The following SPIDR variants were observed in gnomAD, a reference collection of about 807,000 sequenced individuals.
SPIDR encodes the protein DNA repair-scaffolding protein.
SPIDR carries 93 observed loss-of-function variants against 104.6 expected under a neutral mutation model. That is an observed-to-expected ratio of 0.89 (90% confidence interval 0.75 to 1.06). The LOEUF (loss-of-function observed/expected upper bound fraction) is 1.06, where lower values mean the gene tolerates loss of function less well. Ranked by LOEUF, SPIDR falls within the 50% of genes least tolerant of loss-of-function variation. The pLI, the probability that SPIDR is intolerant of heterozygous loss-of-function variation, is 0.00. For synonymous variants in SPIDR, 431 were observed against 416.9 expected (o/e 1.03, Z -0.41); for missense variants, 1,154 against 1,111.2 (o/e 1.04, Z -0.55).
chr8:47,466,619 G>A (rs959044691), intron 8 of SPIDR, among the ~76,000 whole-genome samples: 11 of 152,022 alleles, frequency 7.2e-5, no homozygotes, highest in Admixed American at 6.5e-5. Context: ...CCAGCACTTT[G>A]GGAGGCCAAG....
intron 5 of SPIDR, among the ~76,000 whole-genome samples, chr8:47,312,083 T>C (rs1586765107): frequency 6.6e-6 from 1 of 152,220 alleles, no homozygotes; most frequent in South Asian, 2.1e-4. Flanking sequence ...TATTCCATGG[T>C]GGATATGTGC....
Position 47,482,659 on chromosome 8 carries a change from G to T in SPIDR, c.1097+42117G>T, listed in dbSNP as rs139920651. 5.3e-5 allele frequency among the ~76,000 whole-genome samples: 8 copies of T among 152,254 alleles called. No individual in the cohort carries two copies. In the East Asian group the frequency reaches 1.4e-3, roughly 26 times the overall value. On this transcript the variant is annotated intron_variant, in intron 8 of 19. Coordinates refer to ENST00000297423, the MANE Select transcript of SPIDR (RefSeq NM_001080394.4). ...AAGTGTTTGGAGAGAGGTTTCTATA[G>T]GGCTCCAGTCTATGCACTGAGCCCA...
intron 8 of SPIDR, among the ~76,000 whole-genome samples, chr8:47,520,851 G>A (rs1307481845): frequency 1.3e-5 from 2 of 152,156 alleles, no homozygotes; most frequent in Non-Finnish European, 2.9e-5. Flanking sequence ...TTTGCTGATG[G>A]CCCTGAGAAA....
chr8:47,512,092 G>T, intron 8 of SPIDR: 1 of 555,436 alleles, frequency 1.8e-6, no homozygotes, highest in Non-Finnish European at 3.3e-6. Context: ...GTCCTGCTCA[G>T]TGCCCATCAC....
chr8:47,339,958 C>T (rs144577469), intron 5 of SPIDR, among the ~76,000 whole-genome samples: 31 of 152,056 alleles, frequency 2.0e-4, no homozygotes, highest in African/African-American at 6.7e-4. Flanking sequence ...GGATTACAGG[C>T]GTGAGCCACC....
intron 10 of SPIDR, among the ~76,000 whole-genome samples, chr8:47,670,447 C>A (rs1437609243): frequency 6.6e-6 from 1 of 152,096 alleles, no homozygotes; most frequent in Non-Finnish European, 1.5e-5. Flanking sequence ...AAAATTAGTT[C>A]CCATCTAGAA....
intron 7 of SPIDR, among the ~76,000 whole-genome samples, chr8:47,410,856 G>T (rs949418808): frequency 6.6e-6 from 1 of 151,966 alleles, no homozygotes; most frequent in African/African-American, 2.4e-5. Flanking sequence ...TCCCCTTCCT[G>T]TGTCCATGTG....
At chr8:47,340,331 G>A (rs1477551127) in intron 5 of SPIDR, among the ~76,000 whole-genome samples, 4 of 152,116 alleles carry the variant, frequency 2.6e-5, no homozygotes, top group Non-Finnish European at 5.9e-5. Context: ...TAGGCCAGGT[G>A]CAGTGGCTCA....
intron 7 of SPIDR, among the ~76,000 whole-genome samples, chr8:47,424,755 G>A (rs1010053119): frequency 7.2e-5 from 11 of 152,192 alleles, no homozygotes; most frequent in African/African-American, 2.7e-4. Flanking sequence ...TTGGGGGAAA[G>A]GGAAAGGTCT....
intron 5 of SPIDR, among the ~76,000 whole-genome samples, chr8:47,301,235 T>G (rs1346571271): frequency 6.6e-6 from 1 of 152,256 alleles, no homozygotes; most frequent in Non-Finnish European, 1.5e-5. Context: ...TTTGTTGGCT[T>G]AAAGTCTGTT....
chr8:47,469,397 C>A (rs934594369), intron 8 of SPIDR, among the ~76,000 whole-genome samples: 1 of 152,156 alleles, frequency 6.6e-6, no homozygotes, highest in Non-Finnish European at 1.5e-5. Flanking sequence ...ATAAATCATT[C>A]TACCATAAAG....
intron 5 of SPIDR, among the ~76,000 whole-genome samples, chr8:47,320,073 CA>C (rs1423317142): frequency 1.3e-5 from 2 of 151,998 alleles, no homozygotes; most frequent in East Asian, 3.9e-4. Context: ...CAAAAGCTAG[CA>C]GAAGGCAAGA....
chr8:47,404,203 A>C (rs1203269190), intron 6 of SPIDR, among the ~76,000 whole-genome samples: 2 of 152,256 alleles, frequency 1.3e-5, no homozygotes, highest in Non-Finnish European at 2.9e-5. Flanking sequence ...AATTAATTCA[A>C]GATGGATTAA....
chr8:47,623,690 A>C (rs1019548525), intron 10 of SPIDR, among the ~76,000 whole-genome samples: 1 of 152,246 alleles, frequency 6.6e-6, no homozygotes, highest in Admixed American at 6.5e-5. Context: ...AGAACTAACT[A>C]TCTGAAATAT....
chr8:47,290,644 C>T (rs2039738449), intron 3 of SPIDR, among the ~76,000 whole-genome samples: 1 of 152,212 alleles, frequency 6.6e-6, no homozygotes, highest in Non-Finnish European at 1.5e-5. Context: ...CACACAGAAG[C>T]ATTCCTGTTA....
intron 10 of SPIDR, among the ~76,000 whole-genome samples, chr8:47,614,415 G>A (rs955612725): frequency 5.9e-5 from 9 of 151,992 alleles, no homozygotes; most frequent in African/African-American, 1.5e-4. Context: ...GTGGAGACGG[G>A]GTTTCACCCT....
intron 10 of SPIDR, among the ~76,000 whole-genome samples, chr8:47,670,800 C>G (rs898223516): frequency 6.6e-6 from 1 of 152,128 alleles, no homozygotes; most frequent in Non-Finnish European, 1.5e-5. Flanking sequence ...TGTTGTTATT[C>G]TGTCCTGTGT....
intron 5 of SPIDR, among the ~76,000 whole-genome samples, chr8:47,312,595 A>T (rs1279761803): frequency 4.6e-5 from 7 of 151,812 alleles, no homozygotes; most frequent in African/African-American, 1.7e-4. Flanking sequence ...AATTTGTTTG[A>T]GTTCATTGTA....
At chr8:47,637,020 T>C (rs2068028783) in intron 10 of SPIDR, among the ~76,000 whole-genome samples, 1 of 152,154 alleles carries the variant, frequency 6.6e-6, no homozygotes, top group Admixed American at 6.5e-5. Context: ...TAGACTCAAA[T>C]AGTATGTCCA....
Sources: allele counts gnomAD v4.1 joint callset (sites outside exome capture counted in the v4.1 genomes callset), GRCh38; gene constraint gnomAD v4.1.1; transcripts MANE v1.5; gene names NCBI Gene and HGNC (gene_info 2026-07-23, HGNC 2026-07-21).